PRUNE2: variants seen among roughly 807,000 people sequenced by gnomAD.
PRUNE2 encodes protein prune homolog 2.
PRUNE2 carries 164 observed loss-of-function variants against 252.0 expected under a neutral mutation model. That is an observed-to-expected ratio of 0.65 (90% CI 0.57 to 0.74). The LOEUF is 0.74. Ranked by LOEUF, PRUNE2 falls within the 30% of genes least tolerant of loss-of-function variation. PRUNE2 has a pLI of 0.00. For missense variants in PRUNE2, 3,495 were observed against 3,711.0 expected (o/e 0.94, Z 1.51); for synonymous variants, 1,292 against 1,350.2 (o/e 0.96, Z 0.94).
intron 7 of PRUNE2, among the ~76,000 whole-genome samples, chr9:76,712,398 A>G (rs1042901287): frequency 3.3e-5 from 5 of 149,368 alleles, no homozygotes; most frequent in African/African-American, 1.2e-4. Context: ...TGGTGTGACC[A>G]CACAGGCCAA....
At chr9:76,759,839 C>T (rs2051522506) in intron 6 of PRUNE2, 1 of 152,486 alleles carries the variant, frequency 6.6e-6, no homozygotes, top group Non-Finnish European at 1.5e-5. Flanking sequence ...GTCACAGGCA[C>T]CCAGCCCTAG....
chr9:76,658,250 CG>C (rs1849996087), intron 9 of PRUNE2, among the ~76,000 whole-genome samples: 1 of 152,084 alleles, frequency 6.6e-6, no homozygotes, highest in Non-Finnish European at 1.5e-5. Flanking sequence ...CCCAGCTACT[CG>C]GGAGGCTGAG....
At chr9:76,829,545 G>A (rs10869831) in intron 4 of PRUNE2, among the ~76,000 whole-genome samples, 19,988 of 152,076 alleles carry the variant, frequency 0.13, 1,417 homozygotes, top group East Asian at 0.2. Context: ...TCATTAATTC[G>A]CATATTGTTT....
At chr9:76,702,715 C>A (rs2045988783) in intron 9 of PRUNE2, among the ~76,000 whole-genome samples, 1 of 152,168 alleles carries the variant, frequency 6.6e-6, no homozygotes, top group Admixed American at 6.5e-5. Context: ...GCTGTGGAGC[C>A]TGTCTCTTAT....
intron 6 of PRUNE2, chr9:76,759,063 G>C (rs1022755898): frequency 6.6e-6 from 1 of 152,282 alleles, no homozygotes; most frequent in Non-Finnish European, 1.5e-5. Context: ...GAAGAAACAA[G>C]CCCCTTTTAG....
At position 76,693,439 on chromosome 9, in the gene PRUNE2, CTT is replaced by C. The variant is rs550030416; in HGVS notation, c.8276+9896_8276+9897del. On this transcript the variant is annotated intron_variant, in intron 9 of 18. Coordinates refer to ENST00000376718, the MANE Select transcript of PRUNE2 (RefSeq NM_015225.3). ...TGCTTAAGAGATGTTAGCACCTACT[CTT>C]TTTTTTTTTTTTTTTTTTTGGAGAC... Among the ~76,000 whole-genome samples, 18 of 108,030 alleles carry C rather than the reference CTT, an allele frequency of 1.7e-4. No individual in the cohort carries two copies. In the East Asian group the frequency reaches 2.5e-3, roughly 15 times the overall value. 70.9% of individuals were successfully genotyped at this position (108,030 alleles called of 152,430 possible).
intron 6 of PRUNE2, among the ~76,000 whole-genome samples, chr9:76,791,889 C>T (rs901601360): frequency 6.6e-6 from 1 of 152,078 alleles, no homozygotes; most frequent in African/African-American, 2.4e-5. Flanking sequence ...GCTGGTGAGG[C>T]CTTGGGAGAG....
chr9:76,727,328 T>C (rs953592372), intron 6 of PRUNE2, among the ~76,000 whole-genome samples: 3 of 152,236 alleles, frequency 2.0e-5, no homozygotes, highest in Non-Finnish European at 4.4e-5. Context: ...GCAAGACACA[T>C]GGTTAATTCT....
At chr9:76,633,272 G>A (rs1247258758) in intron 15 of PRUNE2, among the ~76,000 whole-genome samples, 2 of 151,438 alleles carry the variant, frequency 1.3e-5, no homozygotes, top group African/African-American at 2.4e-5. Flanking sequence ...ATTCAATTTC[G>A]GTTTTCATAA....
chr9:76,773,833 T>C (rs1263752969), intron 6 of PRUNE2, among the ~76,000 whole-genome samples: 1 of 152,192 alleles, frequency 6.6e-6, no homozygotes, highest in Admixed American at 6.5e-5. Context: ...CAAGGAAACT[T>C]ACTTAGGAGA....
rs187570818 is a variant in PRUNE2 at position 76,713,947 on chromosome 9, T to C, written c.757-226A>G. On this transcript the variant is annotated intron_variant, in intron 6 of 18. Coordinates refer to ENST00000376718, the MANE Select transcript of PRUNE2 (RefSeq NM_015225.3). The stretch of plus-strand genomic sequence containing the variant: ...CCATGTAAGAAAGGAGTTTTTGCCA[T>C]TATTAATAATAGTTTAGACAAAGAA... Among the ~76,000 whole-genome samples the C allele has an allele frequency of 1.9e-3, 283 of 152,336 alleles. 1 individual carries two copies. The highest frequency in any genetic ancestry group is 2.8e-3 in the Non-Finnish European group (190 of 68,026).
At chr9:76,765,656 G>T (rs2052279416) in intron 6 of PRUNE2, among the ~76,000 whole-genome samples, 1 of 152,096 alleles carries the variant, frequency 6.6e-6, no homozygotes, top group Non-Finnish European at 1.5e-5. Context: ...ATCCATCCAT[G>T]GGGTTTGAGC....
intron 9 of PRUNE2, among the ~76,000 whole-genome samples, chr9:76,684,646 A>G (rs2043871788): frequency 6.6e-6 from 1 of 152,242 alleles, no homozygotes; most frequent in Non-Finnish European, 1.5e-5. Flanking sequence ...TTGTCCCACA[A>G]GAAATTTCTC....
chr9:76,825,513 C>A (rs982433891), intron 5 of PRUNE2, among the ~76,000 whole-genome samples: 5 of 152,222 alleles, frequency 3.3e-5, no homozygotes, highest in African/African-American at 1.2e-4. Context: ...AGGCTCTGCC[C>A]CCTCCTGCCC....
At chr9:76,883,625 C>CT (rs1299477448) in intron 1 of PRUNE2, among the ~76,000 whole-genome samples, 3 of 152,212 alleles carry the variant, frequency 2.0e-5, no homozygotes, top group Admixed American at 6.5e-5. Flanking sequence ...CTCTTGGACT[C>CT]TTTGTAATGA....
chr9:76,685,898 C>T (rs138379904), intron 9 of PRUNE2, among the ~76,000 whole-genome samples: 5 of 152,264 alleles, frequency 3.3e-5, no homozygotes, highest in Admixed American at 3.3e-4. Context: ...GCTAGAAAGC[C>T]CTTCTATGGC....
At chr9:76,635,854 T>C (rs1203492564) in intron 15 of PRUNE2, among the ~76,000 whole-genome samples, 1 of 152,218 alleles carries the variant, frequency 6.6e-6, no homozygotes, top group Non-Finnish European at 1.5e-5. Context: ...TACTATATTA[T>C]GAACATAACT....
chr9:76,892,210 T>C (rs2062525195), intron 1 of PRUNE2, among the ~76,000 whole-genome samples: 2 of 152,158 alleles, frequency 1.3e-5, no homozygotes, highest in South Asian at 4.1e-4. Context: ...AGGACACCAT[T>C]CTCCCTCATA....
At chr9:76,895,896 G>C (rs1405929230) in intron 1 of PRUNE2, among the ~76,000 whole-genome samples, 1 of 152,136 alleles carries the variant, frequency 6.6e-6, no homozygotes, top group African/African-American at 2.4e-5. Context: ...TGATTCTCCT[G>C]CCTCAGCCTC....
Sources: allele counts gnomAD v4.1 joint callset (sites outside exome capture counted in the v4.1 genomes callset), GRCh38; gene constraint gnomAD v4.1.1; transcripts MANE v1.5; gene names NCBI Gene and HGNC (gene_info 2026-07-23, HGNC 2026-07-21).